SMURF2: variants seen among roughly 807,000 people sequenced by gnomAD.
SMURF2 encodes SMAD specific E3 ubiquitin protein ligase 2.
A neutral mutation model predicts 109.6 loss-of-function variants in SMURF2; 48 were observed. The ratio of observed to expected loss-of-function variants is 0.44; its 90% confidence interval spans 0.35 to 0.56. SMURF2 has a LOEUF of 0.56. SMURF2 is among the 20% of genes least tolerant of loss of function. The probability of loss-of-function intolerance (pLI) is 0.01; values close to 1 mark genes in which losing one functional copy is unlikely to be tolerated. For missense variants in SMURF2, 575 were observed against 909.0 expected (o/e 0.63, Z 4.72); for synonymous variants, 288 against 317.1 (o/e 0.91, Z 0.97).
intron 1 of SMURF2, among the ~76,000 whole-genome samples, chr17:64,623,913 C>T (rs915766609): frequency 5.3e-5 from 8 of 152,206 alleles, no homozygotes; most frequent in East Asian, 1.9e-4. Context: ...TTAAGTTAAA[C>T]GTAAGTTGTC....
intron 1 of SMURF2, among the ~76,000 whole-genome samples, chr17:64,616,785 C>T (rs12948112): frequency 6.6e-6 from 1 of 151,742 alleles, no homozygotes; most frequent in Non-Finnish European, 1.5e-5. Flanking sequence ...GAATCTTACT[C>T]TAGGCTGGCA....
Position 64,545,945 on chromosome 17 carries a change from A to C in SMURF2, c.2150T>G (p.Phe717Cys). 6.3e-7 allele frequency: 1 copy of C among 1,597,110 alleles called. No individual in the cohort carries two copies. ...ATAGGGTGGAATGTCTATTCGATTG[A>C]AGCTGTGAATAAGCAAATCAAATTT... ...TNNLPKAHTC[F>C]NRIDIPPYES... Residue 717 changes from phenylalanine to cysteine, a missense_variant and splice_region_variant, in exon 19 of 19, where the codon TTC (phenylalanine) becomes TGC (cysteine). Transcript: ENST00000262435.
intron 1 of SMURF2, among the ~76,000 whole-genome samples, chr17:64,657,629 G>A (rs1264972266): frequency 1.3e-5 from 2 of 151,628 alleles, no homozygotes; most frequent in South Asian, 2.1e-4. Context: ...CACCTGAGCC[G>A]GGAGGTCAAG....
intron 1 of SMURF2, among the ~76,000 whole-genome samples, chr17:64,623,663 T>C (rs1398117507): frequency 6.6e-6 from 1 of 152,278 alleles, no homozygotes. Flanking sequence ...TATTGCCATT[T>C]ACATCATCCT....
At position 64,617,065 on chromosome 17, in the gene SMURF2, T is replaced by TAAAAA. The variant is rs35408397; in HGVS notation, c.53-10430_53-10426dup. On this transcript the variant is annotated intron_variant, in intron 1 of 18. Transcript: ENST00000262435. The stretch of plus-strand genomic sequence containing the variant: ...CTGGGCAACAGAATGAGACCTTGTC[T>TAAAAA]AAAAAAAAAAAAAAAAAAAAAAAAA... Among the ~76,000 whole-genome samples the TAAAAA allele has an allele frequency of 2.7e-3, 130 of 48,492 alleles. 3 individuals carry two copies. The highest frequency in any genetic ancestry group is 0.011 in the African/African-American group (125 of 11,840). The allele number at this position is 48,492 out of a possible 152,430, so 31.8% of individuals were successfully genotyped here.
chr17:64,653,267 T>C (rs1970662439), intron 1 of SMURF2, among the ~76,000 whole-genome samples: 1 of 152,158 alleles, frequency 6.6e-6, no homozygotes, highest in Non-Finnish European at 1.5e-5. Flanking sequence ...AAAGATTATA[T>C]GGACAATAAA....
At chr17:64,584,959 TA>T (rs1225519708) in intron 6 of SMURF2, among the ~76,000 whole-genome samples, 1 of 152,144 alleles carries the variant, frequency 6.6e-6, no homozygotes, top group East Asian at 1.9e-4. Context: ...CTCATATCTA[TA>T]AAAGAGCTAA....
At chr17:64,658,691 C>T (rs1423215599) in intron 1 of SMURF2, among the ~76,000 whole-genome samples, 1 of 152,154 alleles carries the variant, frequency 6.6e-6, no homozygotes, top group Non-Finnish European at 1.5e-5. Flanking sequence ...CACTAAACTG[C>T]TTTTTCCAGC....
At chr17:64,599,801 TG>T (rs1362558463) in intron 2 of SMURF2, among the ~76,000 whole-genome samples, 3 of 152,262 alleles carry the variant, frequency 2.0e-5, no homozygotes, top group Non-Finnish European at 1.5e-5. Flanking sequence ...TGCCGAAGGT[TG>T]GGGGCTGCTG....
At position 64,555,819 on chromosome 17, in the gene SMURF2, C is replaced by CA; in HGVS notation, c.1610dup (p.Glu538Ter). On this transcript the variant is annotated frameshift_variant and splice_region_variant. Coordinates refer to ENST00000262435, the MANE Select transcript of SMURF2 (RefSeq NM_022739.4). LOFTEE classifies it high-confidence loss of function. Reference sequence around the variant, plus strand: ...GAAGAGATAGAAGACTCAATACATACAGTATCCACACTAAACTGTTGTGAA... The same window carrying CA: ...GAAGAGATAGAAGACTCAATACATACAAGTATCCACACTAAACTGTTGTGAA... 6.3e-7 allele frequency: 1 copy of CA among 1,599,954 alleles called. No individual in the cohort carries two copies. The highest frequency in any genetic ancestry group is 8.5e-7 in the Non-Finnish European group (1 of 1,170,046).
rs533665483 is a variant in SMURF2, at chr17:64,632,864, T to G, written c.53-26224A>C. ...TCAGTGTTTTCTGATGACAATATGA[T>G]AGTATTTGTACTCGCCTACTTCAGA... On this transcript the variant is annotated intron_variant, in intron 1 of 18. Coordinates refer to ENST00000262435, the MANE Select transcript of SMURF2 (RefSeq NM_022739.4). Among the ~76,000 whole-genome samples the G allele has an allele frequency of 3.9e-5, 6 of 152,342 alleles. No individual in the cohort carries two copies. In the South Asian group the frequency reaches 1.2e-3, roughly 32 times the overall value.
chr17:64,647,397 G>C (rs1214760542), intron 1 of SMURF2, among the ~76,000 whole-genome samples: 1 of 152,058 alleles, frequency 6.6e-6, no homozygotes, highest in Non-Finnish European at 1.5e-5. Context: ...AACTGGAATA[G>C]AGGCCGGGTA....
intron 1 of SMURF2, among the ~76,000 whole-genome samples, chr17:64,641,825 G>A (rs1555692586): frequency 6.6e-6 from 1 of 152,062 alleles, no homozygotes; most frequent in East Asian, 1.9e-4. Flanking sequence ...GAAACCATGA[G>A]ATGATAAAAC....
At chr17:64,651,869 T>C (rs1222327029) in intron 1 of SMURF2, among the ~76,000 whole-genome samples, 1 of 151,976 alleles carries the variant, frequency 6.6e-6, no homozygotes, top group Non-Finnish European at 1.5e-5. Context: ...CAGTGAGCTC[T>C]GATTGTGCCA....
At chr17:64,605,997 A>G (rs1969965746) in intron 2 of SMURF2, among the ~76,000 whole-genome samples, 1 of 151,606 alleles carries the variant, frequency 6.6e-6, no homozygotes, top group Admixed American at 6.6e-5. Flanking sequence ...AAAGATTGTA[A>G]TATACATGCT....
At chr17:64,616,967 G>A (rs1470480698) in intron 1 of SMURF2, among the ~76,000 whole-genome samples, 2 of 146,936 alleles carry the variant, frequency 1.4e-5, no homozygotes, top group Non-Finnish European at 3.0e-5. Flanking sequence ...TGTAGTCCCA[G>A]CTACTCAGGA....
Position 64,571,924 on chromosome 17 carries a change from C to T in SMURF2, c.890G>A (p.Gly297Asp). The change falls in exon 10 of 19, where the codon GGT (glycine) becomes GAT (aspartate). Residue 297 changes from glycine to aspartate, a missense_variant. Gly to Asp is a moderately conservative substitution (Grantham distance 94). Coordinates refer to ENST00000262435, the MANE Select transcript of SMURF2 (RefSeq NM_022739.4). Reference sequence around the variant, plus strand: ...GATCTCCCATCCAGGAGGCAATGGACCAAGCTCTTCACAATTGATGTTGCT... The same window carrying T: ...GATCTCCCATCCAGGAGGCAATGGATCAAGCTCTTCACAATTGATGTTGCT... ...DLSNINCEEL[G>D]PLPPGWEIRN... The T allele has an allele frequency of 6.2e-7, 1 of 1,613,342 alleles. No homozygotes were observed. The highest frequency in any genetic ancestry group is 8.5e-7 in the Non-Finnish European group (1 of 1,179,710).
rs897643143 is a variant in SMURF2 at position 64,661,922 on chromosome 17, G to C, written c.-42C>G. Reference sequence around the variant, plus strand: ...GCGGCGGGGGCGGCGGGCGGCACGGGGGCGACGGCGAGGCGCGGCGGAGTC... The same window carrying C: ...GCGGCGGGGGCGGCGGGCGGCACGGCGGCGACGGCGAGGCGCGGCGGAGTC... On this transcript the variant is annotated 5_prime_UTR_variant, in exon 1 of 19. Coordinates refer to ENST00000262435, the MANE Select transcript of SMURF2 (RefSeq NM_022739.4). 3.4e-6 allele frequency: 4 copies of C among 1,165,912 alleles called. No homozygotes were observed. The highest frequency in any genetic ancestry group is 4.2e-6 in the Non-Finnish European group (4 of 945,986). 72.2% of individuals were successfully genotyped at this position (1,165,912 alleles called of 1,614,324 possible).
At position 64,635,271 on chromosome 17, in the gene SMURF2, G is replaced by A. The variant is rs541797739; in HGVS notation, c.52+26558C>T. ...GAACCAGGGAGGTGGAGGTTGCGGT[G>A]AGCCGAGATCACACCACTGCACTCT... On this transcript the variant is annotated intron_variant, in intron 1 of 18. Coordinates refer to ENST00000262435, the MANE Select transcript of SMURF2 (RefSeq NM_022739.4). Among the ~76,000 whole-genome samples the A allele has an allele frequency of 1.4e-3, 206 of 150,414 alleles. 1 individual carries two copies. The highest frequency in any genetic ancestry group is 5.0e-3 in the African/African-American group (203 of 40,844).
Sources: gnomAD v4.1 joint callset for allele counts (sites outside exome capture counted in the v4.1 genomes callset) on GRCh38, gnomAD v4.1.1 for gene constraint, MANE v1.5 for transcripts, NCBI Gene and HGNC (gene_info 2026-07-23, HGNC 2026-07-21) for gene names.